Variants in NPSR1 observed in about 807,000 individuals in gnomAD.
NPSR1 encodes neuropeptide S receptor.
A neutral mutation model predicts 46.9 loss-of-function variants in NPSR1; 48 were observed. The ratio of observed to expected loss-of-function variants is 1.02; its 90% CI spans 0.81 to 1.30. The LOEUF is 1.30. Ranked by LOEUF, NPSR1 falls within the 50% of genes most tolerant of loss-of-function variation. The pLI, the probability that NPSR1 is intolerant of heterozygous loss-of-function variation, is 0.00. For synonymous variants in NPSR1, 176 were observed against 168.1 expected, an observed-to-expected ratio of 1.05 and a Z score of -0.36; for missense variants, 450 against 449.5, an observed-to-expected ratio of 1.00 and a Z score of -0.01.
At chr7:34,754,584 G>C (rs895771161) in intron 2 of NPSR1, among the ~76,000 whole-genome samples, 4 of 151,402 alleles carry the variant, frequency 2.6e-5, no homozygotes, top group Non-Finnish European at 5.9e-5. Context: ...GCCCAGACAG[G>C]CTTCACCTAA....
intron 1 of NPSR1, among the ~76,000 whole-genome samples, chr7:34,662,636 T>C (rs1174747558): frequency 6.6e-6 from 1 of 152,204 alleles, no homozygotes; most frequent in Non-Finnish European, 1.5e-5. Flanking sequence ...AGTTGAATAC[T>C]GTGGCTGCTC....
intron 4 of NPSR1, among the ~76,000 whole-genome samples, chr7:34,826,229 C>T (rs1358908805): frequency 6.6e-6 from 1 of 152,160 alleles, no homozygotes; most frequent in Non-Finnish European, 1.5e-5. Flanking sequence ...CCTGCTTGCT[C>T]AGTGGGCCAA....
chr7:34,748,830 G>A (rs1785355015), intron 2 of NPSR1, among the ~76,000 whole-genome samples: 1 of 152,034 alleles, frequency 6.6e-6, no homozygotes, highest in South Asian at 2.1e-4. Flanking sequence ...TAGAATCCTA[G>A]ACACTTATGT....
intron 3 of NPSR1, among the ~76,000 whole-genome samples, chr7:34,792,988 C>T (rs1475245718): frequency 1.3e-5 from 2 of 150,946 alleles, no homozygotes; most frequent in East Asian, 3.9e-4. Context: ...AGTTTGAGAC[C>T]AGCTTGGGAA....
chr7:34,789,564 A>T (rs901150920), intron 3 of NPSR1, among the ~76,000 whole-genome samples: 1 of 151,774 alleles, frequency 6.6e-6, no homozygotes, highest in African/African-American at 2.4e-5. Context: ...AGGCTGAGGC[A>T]GGCAGATCAC....
In NPSR1 at chr7:34,661,964, C is replaced by G. The variant is rs549727824; in HGVS notation, c.147+3405C>G. On this transcript the variant is annotated intron_variant, in intron 1 of 8. Coordinates refer to ENST00000360581, the MANE Select transcript of NPSR1 (RefSeq NM_207172.2). The stretch of plus-strand genomic sequence containing the variant: ...AGGCTGTCCAAATGCAAAACAAATA[C>G]AAAACTCTTCACACAGAAAGCCCTT... Among the ~76,000 whole-genome samples, 7 of 152,244 alleles carry G rather than the reference C, an allele frequency of 4.6e-5. No homozygotes were observed. The South Asian group carries it at 8.3e-4, about 18-fold the overall frequency.
intron 7 of NPSR1, among the ~76,000 whole-genome samples, chr7:34,845,295 G>A (rs919170508): frequency 6.6e-6 from 1 of 152,210 alleles, no homozygotes; most frequent in Non-Finnish European, 1.5e-5. Context: ...CTTCCTTTAA[G>A]ACACACTGTT....
intron 3 of NPSR1, among the ~76,000 whole-genome samples, chr7:34,810,738 G>A (rs1788941829): frequency 6.6e-6 from 1 of 152,248 alleles, no homozygotes; most frequent in Non-Finnish European, 1.5e-5. Context: ...CCATGCAAAT[G>A]TCAAGGACTG....
chr7:34,811,883 T>C lies in NPSR1; in HGVS notation c.478+20T>C. The stretch of plus-strand genomic sequence containing the variant: ...AAGGAGGTGAGCTGGCTTTACCAGG[T>C]GCTCTTTCATAAAGAACTGTCCTTG... On this transcript the variant is annotated intron_variant, in intron 4 of 8. Coordinates refer to ENST00000360581, the MANE Select transcript of NPSR1 (RefSeq NM_207172.2). The C allele has an allele frequency of 6.5e-7, 1 of 1,548,416 alleles. No individual in the cohort carries two copies. Among genetic ancestry groups the C allele is most frequent in the East Asian group, 2.2e-5 (1 of 44,484 alleles).
chr7:34,665,927 A>T (rs1791728789), intron 1 of NPSR1, among the ~76,000 whole-genome samples: 1 of 152,204 alleles, frequency 6.6e-6, no homozygotes. Flanking sequence ...TTTAGATCCT[A>T]CTATTCCTAG....
intron 1 of NPSR1, among the ~76,000 whole-genome samples, chr7:34,682,996 C>G (rs570914387): frequency 2.0e-5 from 3 of 152,294 alleles, no homozygotes; most frequent in Admixed American, 6.5e-5. Context: ...ATCCTCCCCC[C>G]ACATCACCAC....
intron 2 of NPSR1, among the ~76,000 whole-genome samples, chr7:34,762,867 C>G (rs750526841): frequency 6.6e-6 from 1 of 152,104 alleles, no homozygotes; most frequent in African/African-American, 2.4e-5. Flanking sequence ...TGTTCATGTA[C>G]GAGTCATCTC....
intron 1 of NPSR1, among the ~76,000 whole-genome samples, chr7:34,671,911 T>C (rs976021724): frequency 1.3e-5 from 2 of 152,186 alleles, no homozygotes; most frequent in African/African-American, 4.8e-5. Flanking sequence ...CAGGGGAAAG[T>C]TTCTCAGACA....
chr7:34,710,582 G>C (rs989676456), intron 2 of NPSR1, among the ~76,000 whole-genome samples: 1 of 152,264 alleles, frequency 6.6e-6, no homozygotes, highest in Admixed American at 6.5e-5. Flanking sequence ...CTAGAAAACA[G>C]GATGCCTAGA....
At chr7:34,744,255 G>T (rs986993261) in intron 2 of NPSR1, among the ~76,000 whole-genome samples, 1 of 151,962 alleles carries the variant, frequency 6.6e-6, no homozygotes, top group African/African-American at 2.4e-5. Context: ...GCATTAAAAA[G>T]ATTTTTATCT....
At chr7:34,684,174 G>T (rs1488516018) in intron 1 of NPSR1, among the ~76,000 whole-genome samples, 1 of 152,164 alleles carries the variant, frequency 6.6e-6, no homozygotes, top group East Asian at 1.9e-4. Flanking sequence ...CTGAATTGAA[G>T]TGCTTTATTT....
chr7:34,721,418 G>C (rs1366937931), intron 2 of NPSR1, among the ~76,000 whole-genome samples: 3 of 152,176 alleles, frequency 2.0e-5, no homozygotes, highest in Non-Finnish European at 4.4e-5. Context: ...GAGGAGTCTT[G>C]TGTGAACAAA....
chr7:34,827,641 G>GA, intron 5 of NPSR1, 39 bp downstream of exon 5: 1 of 728,946 alleles, frequency 1.4e-6, no homozygotes. Context: ...GGGGGGGTGG[G>GA]GCGGGGGGGG....
At chr7:34,769,760 A>C (rs1243580635) in intron 2 of NPSR1, among the ~76,000 whole-genome samples, 2 of 152,226 alleles carry the variant, frequency 1.3e-5, no homozygotes, top group Non-Finnish European at 2.9e-5. Context: ...TGTTTACAAG[A>C]AACACTCAAA....
Sources: allele counts gnomAD v4.1 joint callset (sites outside exome capture counted in the v4.1 genomes callset), GRCh38; gene constraint gnomAD v4.1.1; transcripts MANE v1.5; gene names NCBI Gene and HGNC (gene_info 2026-07-23, HGNC 2026-07-21).